Variants in OSBPL3 observed in about 807,000 individuals in gnomAD.
The protein encoded by OSBPL3 is oxysterol-binding protein-related protein 3.
A neutral mutation model predicts 120.1 loss-of-function variants in OSBPL3; 65 were observed. The observed-to-expected ratio is 0.54, with a 90% confidence interval of 0.44 to 0.67. OSBPL3 has a LOEUF of 0.67. Among genes scored for constraint, OSBPL3 ranks in the 30% least tolerant of loss-of-function variants. OSBPL3 has a pLI of 0.00. For missense variants in OSBPL3, 1,004 were observed against 1,082.1 expected, an observed-to-expected ratio of 0.93 and a Z score of 1.01; for synonymous variants, 416 against 402.6, an observed-to-expected ratio of 1.03 and a Z score of -0.40.
At position 24,797,991 on chromosome 7, in the gene OSBPL3, G is replaced by A. The variant is rs1390554229; in HGVS notation, c.*2192C>T. 6.6e-6 allele frequency: 1 copy of A among 152,100 alleles called. No individual in the cohort carries two copies. The highest frequency in any genetic ancestry group is 1.5e-5 in the Non-Finnish European group (1 of 68,028). The allele number at this position is 152,100 out of a possible 1,614,324, so 9.4% of individuals were successfully genotyped here. ...GATAGTTTTAAGCTTATAATATCAG[G>A]ATGCATCACCAAGCTGTTTAAATTT... On this transcript the variant is annotated 3_prime_UTR_variant, in exon 23 of 23. Coordinates refer to ENST00000313367, the MANE Select transcript of OSBPL3 (RefSeq NM_015550.4). This position sits in a 1 kb window ranked among gnomAD's most constrained non-coding sequence, Gnocchi z 4.8.
chr7:24,977,187 T>C (rs1817677438), intron 1 of OSBPL3, among the ~76,000 whole-genome samples: 1 of 152,214 alleles, frequency 6.6e-6, no homozygotes, highest in Non-Finnish European at 1.5e-5. Flanking sequence ...GATTTCTCTT[T>C]AGATTTAGAT....
In OSBPL3 at chr7:24,818,076, A is replaced by C. The variant is rs896265920; in HGVS notation, c.1949-1388T>G. Among the ~76,000 whole-genome samples the C allele has an allele frequency of 6.6e-6, 1 of 152,120 alleles. No individual in the cohort carries two copies. Among genetic ancestry groups the C allele is most frequent in the Admixed American group, 6.5e-5 (1 of 15,278 alleles). ...GACCAGCGAGCACAGTGGGCCTCAT[A>C]TTGTTTAATCCTATTTATATAAAAT... On this transcript the variant is annotated intron_variant, in intron 17 of 22. Coordinates refer to ENST00000313367, the MANE Select transcript of OSBPL3 (RefSeq NM_015550.4). This position sits in a 1 kb window ranked among gnomAD's most constrained non-coding sequence, Gnocchi z 4.0.
intron 5 of OSBPL3, among the ~76,000 whole-genome samples, chr7:24,869,014 A>G (rs913948980): frequency 5.3e-5 from 8 of 152,190 alleles, no homozygotes; most frequent in Non-Finnish European, 1.0e-4. Flanking sequence ...TCCCTTATCT[A>G]TAAAATAAAT....
At position 24,948,387 on chromosome 7, in the gene OSBPL3, C is replaced by CA. The variant is rs1378148025; in HGVS notation, c.-150+31498dup. Among the ~76,000 whole-genome samples the CA allele has an allele frequency of 3.2e-5, 3 of 94,206 alleles. No individual in the cohort carries two copies. The East Asian group carries it at 2.0e-3, about 62-fold the overall frequency. 61.8% of individuals were successfully genotyped at this position (94,206 alleles called of 152,430 possible). Reference sequence around the variant, plus strand: ...GAAGTCAAAGCAAGCAGATTTACCTCATTTTTTTTTTAAAAAGACCCTTCT... The same window carrying CA: ...GAAGTCAAAGCAAGCAGATTTACCTCAATTTTTTTTTTAAAAAGACCCTTCT... On this transcript the variant is annotated intron_variant, in intron 1 of 22. Coordinates refer to ENST00000313367, the MANE Select transcript of OSBPL3 (RefSeq NM_015550.4).
rs1488595545 is a variant in OSBPL3, at chr7:24,896,354, C to A, written c.-149-3733G>T. Among the ~76,000 whole-genome samples, 4 of 152,228 alleles carry A rather than the reference C, an allele frequency of 2.6e-5. No individual in the cohort carries two copies. The highest frequency in any genetic ancestry group is 5.9e-5 in the Non-Finnish European group (4 of 68,050). On this transcript the variant is annotated intron_variant, in intron 1 of 22. Transcript: ENST00000313367. This position sits in a 1 kb window ranked among gnomAD's most constrained non-coding sequence, Gnocchi z 4.4. ...TGAGCTTCATTGTCTCTCACCACTG[C>A]CACCCACCTTTGAGAAGCTGATGGG...
intron 1 of OSBPL3, among the ~76,000 whole-genome samples, chr7:24,979,249 G>T (rs904252496): frequency 2.0e-5 from 3 of 151,662 alleles, no homozygotes; most frequent in Non-Finnish European, 4.4e-5. Context: ...GAGTTAGGGT[G>T]AGCCTGAAGG....
chr7:24,970,004 G>A (rs186752945), intron 1 of OSBPL3, among the ~76,000 whole-genome samples: 17 of 151,772 alleles, frequency 1.1e-4, no homozygotes, highest in Admixed American at 3.9e-4. Context: ...TCATCAAACC[G>A]GATAGTCCAC....
chr7:24,950,842 A>C (rs1426775362), intron 1 of OSBPL3, among the ~76,000 whole-genome samples: 1 of 152,256 alleles, frequency 6.6e-6, no homozygotes, highest in Non-Finnish European at 1.5e-5. Flanking sequence ...TGGTTATGTA[A>C]TTTGGAACTC....
chr7:24,808,790 T>C lies in OSBPL3; in HGVS notation c.2317+1017A>G, dbSNP rs1456896118. On this transcript the variant is annotated intron_variant, in intron 20 of 22. Coordinates refer to ENST00000313367, the MANE Select transcript of OSBPL3 (RefSeq NM_015550.4). The surrounding 1 kb of genome is among the most constrained non-coding windows in gnomAD (Gnocchi z 4.6). Reference sequence around the variant, plus strand: ...CTGTTGCCCGTGACTGGTTCACGGATGGGTCTGAACCCACTGCAGGCTGAC... The same window carrying C: ...CTGTTGCCCGTGACTGGTTCACGGACGGGTCTGAACCCACTGCAGGCTGAC... Among the ~76,000 whole-genome samples the C allele has an allele frequency of 6.6e-6, 1 of 152,250 alleles. No homozygotes were observed. The highest frequency in any genetic ancestry group is 1.5e-5 in the Non-Finnish European group (1 of 68,040).
rs1297670299 is a variant in OSBPL3 at position 24,797,940 on chromosome 7, GAGAAA to G, written c.*2238_*2242del. On this transcript the variant is annotated 3_prime_UTR_variant, in exon 23 of 23. Coordinates refer to ENST00000313367, the MANE Select transcript of OSBPL3 (RefSeq NM_015550.4). The surrounding 1 kb of genome is among the most constrained non-coding windows in gnomAD (Gnocchi z 4.8). ...ATGCTTTTGAGAAAAGGGACAGAAG[GAGAAA>G]AGAAGTCATTTCCCCCTCAAGATAG... The G allele has an allele frequency of 2.6e-5, 4 of 152,144 alleles. No homozygotes were observed. The highest frequency in any genetic ancestry group is 4.4e-5 in the Non-Finnish European group (3 of 68,024). 9.4% of individuals were successfully genotyped at this position (152,144 alleles called of 1,614,324 possible).
rs186837678 is a variant in OSBPL3 at position 24,855,084 on chromosome 7, A to G, written c.1028-2450T>C. On this transcript the variant is annotated intron_variant, in intron 10 of 22. Transcript: ENST00000313367. This position sits in a 1 kb window ranked among gnomAD's most constrained non-coding sequence, Gnocchi z 4.3. ...AAATTCTAGGAATGAGGGGTTGGCC[A>G]GAATCTATGGAGCTGTAGGAGAACA... Among the ~76,000 whole-genome samples, 94 of 152,332 alleles carry G rather than the reference A, an allele frequency of 6.2e-4. No homozygotes were observed. In the East Asian group the frequency reaches 0.017, roughly 27 times the overall value.
rs1347304494 is a variant in OSBPL3 at position 24,952,726 on chromosome 7, C to T, written c.-150+27160G>A. On this transcript the variant is annotated intron_variant, in intron 1 of 22. Coordinates refer to ENST00000313367, the MANE Select transcript of OSBPL3 (RefSeq NM_015550.4). The surrounding 1 kb of genome is among the most constrained non-coding windows in gnomAD (Gnocchi z 4.4). ...TAAGGTTATTTCCAGGATTCTAGGC[C>T]TGCCCTACCAATATGCAAACCATCA... 6.6e-6 allele frequency among the ~76,000 whole-genome samples: 1 copy of T among 152,186 alleles called. No individual in the cohort carries two copies. Among genetic ancestry groups the T allele is most frequent in the African/African-American group, 2.4e-5 (1 of 41,436 alleles).
At chr7:24,907,870 C>T (rs1188195261) in intron 1 of OSBPL3, among the ~76,000 whole-genome samples, 2 of 152,204 alleles carry the variant, frequency 1.3e-5, no homozygotes, top group Non-Finnish European at 2.9e-5. Flanking sequence ...TTTTATTCAC[C>T]TCTACATTCT....
At chr7:24,902,352 A>T (rs1807150781) in intron 1 of OSBPL3, among the ~76,000 whole-genome samples, 1 of 152,194 alleles carries the variant, frequency 6.6e-6, no homozygotes, top group Non-Finnish European at 1.5e-5. Context: ...GGGTTTTTTT[A>T]AACTTAACTT....
intron 6 of OSBPL3, among the ~76,000 whole-genome samples, chr7:24,865,754 A>C (rs1801221907): frequency 6.6e-6 from 1 of 152,246 alleles, no homozygotes; most frequent in African/African-American, 2.4e-5. Context: ...AATCCTGCAT[A>C]GCTATATGCA....
chr7:24,869,395 A>C (rs2128278535), intron 5 of OSBPL3, among the ~76,000 whole-genome samples: 1 of 152,352 alleles, frequency 6.6e-6, no homozygotes, highest in South Asian at 2.1e-4. Flanking sequence ...CTGATCAATG[A>C]AACAGAAAAA....
chr7:24,826,908 C>T (rs1380205666), intron 16 of OSBPL3, among the ~76,000 whole-genome samples: 3 of 152,124 alleles, frequency 2.0e-5, no homozygotes, highest in Non-Finnish European at 2.9e-5. Flanking sequence ...CTCACCACCT[C>T]GAACATCCAC....
intron 10 of OSBPL3, among the ~76,000 whole-genome samples, chr7:24,859,181 G>C (rs1057062582): frequency 2.6e-5 from 4 of 152,024 alleles, no homozygotes; most frequent in Non-Finnish European, 5.9e-5. Flanking sequence ...TTTAAATTTA[G>C]AGGGTAAGGG....
rs1430419464 is a variant in OSBPL3 at position 24,894,757 on chromosome 7, T to C, written c.-149-2136A>G. ...TGTGCAATGTAAAGGGAGAGAAACG[T>C]GGGCAATAAATGAAAGTTACAGGAA... On this transcript the variant is annotated intron_variant, in intron 1 of 22. Coordinates refer to ENST00000313367, the MANE Select transcript of OSBPL3 (RefSeq NM_015550.4). This position sits in a 1 kb window ranked among gnomAD's most constrained non-coding sequence, Gnocchi z 4.1. Among the ~76,000 whole-genome samples, 1 of 152,122 alleles carries C rather than the reference T, an allele frequency of 6.6e-6. No homozygotes were observed. The highest frequency in any genetic ancestry group is 2.4e-5 in the African/African-American group (1 of 41,422).
Sources: allele counts gnomAD v4.1 joint callset (sites outside exome capture counted in the v4.1 genomes callset), GRCh38; gene constraint gnomAD v4.1.1; non-coding constraint Gnocchi (gnomAD v3.1); transcripts MANE v1.5; gene names NCBI Gene and HGNC (gene_info 2026-07-23, HGNC 2026-07-21).